EXOC4: variants seen among roughly 807,000 people sequenced by gnomAD.
EXOC4 encodes the protein SEC8-like 1.
A neutral mutation model predicts 107.2 loss-of-function variants in EXOC4; 71 were observed. That is an observed-to-expected ratio of 0.66 (90% CI 0.55 to 0.81). The LOEUF (loss-of-function observed/expected upper bound fraction) is 0.81, where lower values mean the gene tolerates loss of function less well. Ranked by LOEUF, EXOC4 falls within the 30% of genes least tolerant of loss-of-function variation. The pLI, the probability that EXOC4 is intolerant of heterozygous loss-of-function variation, is 0.00. For missense variants in EXOC4, 1,108 were observed against 1,189.6 expected, an observed-to-expected ratio of 0.93 and a Z score of 1.01; for synonymous variants, 456 against 441.2, an observed-to-expected ratio of 1.03 and a Z score of -0.42.
chr7:133,672,071 C>A (rs1289699151), intron 10 of EXOC4, among the ~76,000 whole-genome samples: 1 of 152,166 alleles, frequency 6.6e-6, no homozygotes, highest in Non-Finnish European at 1.5e-5. Flanking sequence ...AGCCACTAGT[C>A]ATGTGTGGAT....
At position 133,656,040 on chromosome 7, in the gene EXOC4, G is replaced by C. The variant is rs1380944835; in HGVS notation, c.1514+25899G>C. ...ATGGCTATGATATCACTAGGAGATA[G>C]GAGTTTCTCAGTTCCATTGGAATCG... On this transcript the variant is annotated intron_variant, in intron 10 of 17. Coordinates refer to ENST00000253861, the MANE Select transcript of EXOC4 (RefSeq NM_021807.4). Among the ~76,000 whole-genome samples, 3 of 152,108 alleles carry C rather than the reference G, an allele frequency of 2.0e-5. No individual in the cohort carries two copies. The East Asian group carries it at 5.8e-4, about 29-fold the overall frequency.
intron 17 of EXOC4, among the ~76,000 whole-genome samples, chr7:134,037,211 T>G (rs1351904333): frequency 6.6e-6 from 1 of 152,072 alleles, no homozygotes; most frequent in African/African-American, 2.4e-5. Flanking sequence ...TATCAGTGGT[T>G]TTGACGAAGT....
chr7:133,610,888 T>C (rs1035337514), intron 9 of EXOC4, among the ~76,000 whole-genome samples: 2 of 151,748 alleles, frequency 1.3e-5, no homozygotes, highest in Admixed American at 1.3e-4. Flanking sequence ...TAGGGCTCAC[T>C]GCAGCTGTGA....
chr7:133,653,033 C>G (rs1416329600), intron 10 of EXOC4, among the ~76,000 whole-genome samples: 1 of 152,102 alleles, frequency 6.6e-6, no homozygotes, highest in Non-Finnish European at 1.5e-5. Flanking sequence ...AGGTTAACTC[C>G]TAGGCAGAGA....
intron 10 of EXOC4, among the ~76,000 whole-genome samples, chr7:133,661,230 A>T (rs10236819): frequency 0.43 from 65,142 of 151,818 alleles, 14,903 homozygotes; most frequent in Admixed American, 0.57. Context: ...GAGCCACTGT[A>T]TATGTGCCGA....
At position 133,430,141 on chromosome 7, in the gene EXOC4, G is replaced by A. The variant is rs559254941; in HGVS notation, c.1183-45187G>A. Among the ~76,000 whole-genome samples, 12 of 152,132 alleles carry A rather than the reference G, an allele frequency of 7.9e-5. No homozygotes were observed. The South Asian group carries it at 1.4e-3, about 18-fold the overall frequency. ...TTGAGTGATGGAAGTGGCTGTCAGC[G>A]GGATGGGGAGCTGGAAAGGAGATGG... On this transcript the variant is annotated intron_variant, in intron 7 of 17. Transcript: ENST00000253861.
At chr7:133,656,002 C>G (rs897865069) in intron 10 of EXOC4, among the ~76,000 whole-genome samples, 1 of 152,116 alleles carries the variant, frequency 6.6e-6, no homozygotes, top group African/African-American at 2.4e-5. Flanking sequence ...ATGCATTGTG[C>G]TGTGACCTTA....
intron 7 of EXOC4, among the ~76,000 whole-genome samples, chr7:133,419,341 A>G (rs1229507070): frequency 2.0e-5 from 3 of 152,140 alleles, no homozygotes; most frequent in African/African-American, 7.2e-5. Flanking sequence ...TTAAGGACTT[A>G]TTTACAGATG....
chr7:133,308,916 C>G (rs75301554), intron 4 of EXOC4, among the ~76,000 whole-genome samples: 119 of 152,248 alleles, frequency 7.8e-4, no homozygotes, highest in Non-Finnish European at 1.4e-3. Context: ...GCTGCATTTT[C>G]CATCTTCCCA....
At position 133,406,393 on chromosome 7, in the gene EXOC4, G is replaced by A. The variant is rs116035826; in HGVS notation, c.1182+31391G>A. 2.4e-3 allele frequency among the ~76,000 whole-genome samples: 370 copies of A among 152,194 alleles called. 5 individuals carry two copies. Among genetic ancestry groups the A allele is most frequent in the African/African-American group, 8.3e-3 (343 of 41,506 alleles). On this transcript the variant is annotated intron_variant, in intron 7 of 17. Coordinates refer to ENST00000253861, the MANE Select transcript of EXOC4 (RefSeq NM_021807.4). Reference sequence around the variant, plus strand: ...CACAAATGCTTAATAATTTTTGAGCGTTGGGGATGAGCACAACCTAACTTA... The same window carrying A: ...CACAAATGCTTAATAATTTTTGAGCATTGGGGATGAGCACAACCTAACTTA...
At chr7:133,290,230 A>G (rs115899027) in intron 3 of EXOC4, among the ~76,000 whole-genome samples, 3,010 of 152,264 alleles carry the variant, frequency 0.02, 83 homozygotes, top group African/African-American at 0.069. Flanking sequence ...TGGGAGTTTA[A>G]GGCTGCAGTG....
In EXOC4 at chr7:133,514,707, A is replaced by G. The variant is rs138486289; in HGVS notation, c.1417+34569A>G. Among the ~76,000 whole-genome samples, 809 of 152,276 alleles carry G rather than the reference A, an allele frequency of 5.3e-3. 4 individuals carry two copies. Among genetic ancestry groups the G allele is most frequent in the South Asian group, 6.6e-3 (32 of 4,822 alleles). ...AGAGGAGACTAATGAAAATATAAACATTTGTACAGAAGAATAGGTTAACAT... is the reference window on the plus strand; with the variant it reads ...AGAGGAGACTAATGAAAATATAAACGTTTGTACAGAAGAATAGGTTAACAT... On this transcript the variant is annotated intron_variant, in intron 9 of 17. Coordinates refer to ENST00000253861, the MANE Select transcript of EXOC4 (RefSeq NM_021807.4).
chr7:133,860,644 C>T (rs947696324), intron 11 of EXOC4, among the ~76,000 whole-genome samples: 3 of 152,080 alleles, frequency 2.0e-5, no homozygotes, highest in Non-Finnish European at 2.9e-5. Context: ...CTAAATATCC[C>T]GTATAGAGCC....
chr7:133,512,596 AG>A (rs943526720), intron 9 of EXOC4, among the ~76,000 whole-genome samples: 9 of 152,126 alleles, frequency 5.9e-5, no homozygotes, highest in African/African-American at 2.2e-4. Flanking sequence ...CCAGTGAAGA[AG>A]AAGATCAATG....
chr7:133,809,396 T>C (rs1250505942), intron 10 of EXOC4, among the ~76,000 whole-genome samples: 1 of 152,218 alleles, frequency 6.6e-6, no homozygotes, highest in East Asian at 1.9e-4. Flanking sequence ...TCCGCAGACC[T>C]GTAAATGTCA....
chr7:133,398,496 C>G (rs1010267858), intron 7 of EXOC4, among the ~76,000 whole-genome samples: 1 of 152,106 alleles, frequency 6.6e-6, no homozygotes, highest in Non-Finnish European at 1.5e-5. Context: ...AACCTTTTTC[C>G]TATTTCATGC....
At chr7:133,480,381 G>A (rs1428907410) in intron 9 of EXOC4, 2 of 1,310,270 alleles carry the variant, frequency 1.5e-6, no homozygotes, top group East Asian at 3.3e-5. Flanking sequence ...AAGAGATGAG[G>A]CCAGGCTCGT....
At chr7:133,473,300 A>G (rs1415111236) in intron 7 of EXOC4, among the ~76,000 whole-genome samples, 2 of 152,190 alleles carry the variant, frequency 1.3e-5, no homozygotes, top group Middle Eastern at 3.2e-3. Context: ...TTTCATCCAC[A>G]TACCGAATAA....
intron 1 of EXOC4, among the ~76,000 whole-genome samples, chr7:133,267,797 A>G (rs537957999): frequency 4.5e-4 from 69 of 152,310 alleles, no homozygotes; most frequent in Non-Finnish European, 9.4e-4. Context: ...ATGTGAGACA[A>G]TTTAGTTGCA....
Sources: gnomAD v4.1 joint callset for allele counts (sites outside exome capture counted in the v4.1 genomes callset) on GRCh38, gnomAD v4.1.1 for gene constraint, MANE v1.5 for transcripts, NCBI Gene and HGNC (gene_info 2026-07-23, HGNC 2026-07-21) for gene names.